The following SLC49A4 variants were observed in gnomAD, a reference collection of about 807,000 sequenced individuals.
The protein encoded by SLC49A4 is solute carrier family 49 member 4.
Under a neutral mutation model 50.6 loss-of-function variants are expected in SLC49A4, and 36 were observed. The observed-to-expected ratio is 0.71, with a 90% CI of 0.55 to 0.94. SLC49A4 has a LOEUF of 0.94. SLC49A4 is among the 40% of genes least tolerant of loss of function. SLC49A4 has a pLI of 0.00. For missense variants in SLC49A4, 503 were observed against 605.7 expected, an observed-to-expected ratio of 0.83 and a Z score of 1.78; for synonymous variants, 248 against 241.2, an observed-to-expected ratio of 1.03 and a Z score of -0.26.
At chr3:122,826,143 G>T (rs529985424) in intron 2 of SLC49A4, among the ~76,000 whole-genome samples, 74 of 152,258 alleles carry the variant, frequency 4.9e-4, no homozygotes, top group Admixed American at 7.8e-4. Flanking sequence ...ACAAAGTTAG[G>T]TATTGTTCAG....
chr3:122,842,270 A>G (rs1936781195), intron 4 of SLC49A4, among the ~76,000 whole-genome samples: 1 of 151,942 alleles, frequency 6.6e-6, no homozygotes, highest in Non-Finnish European at 1.5e-5. Flanking sequence ...GCGGATCACG[A>G]GGTCAGGAGA....
chr3:122,862,697 A>G (rs1222908265), intron 7 of SLC49A4, among the ~76,000 whole-genome samples: 1 of 152,222 alleles, frequency 6.6e-6, no homozygotes, highest in Non-Finnish European at 1.5e-5. Context: ...CATAGTCATG[A>G]GTACATAAAG....
chr3:122,805,985 A>T (rs72968331), intron 1 of SLC49A4, among the ~76,000 whole-genome samples: 6,405 of 152,332 alleles, frequency 0.042, 443 homozygotes, highest in African/African-American at 0.14. Context: ...AAAAAAATAA[A>T]GACTGTGATT....
intron 4 of SLC49A4, among the ~76,000 whole-genome samples, chr3:122,836,149 T>TA (rs552678468): frequency 7.9e-5 from 12 of 152,352 alleles, no homozygotes; most frequent in African/African-American, 2.9e-4. Context: ...AGATAGCTCT[T>TA]ACTATTTTGA....
chr3:122,865,110 C>T (rs1017033566), intron 7 of SLC49A4, among the ~76,000 whole-genome samples: 3 of 152,198 alleles, frequency 2.0e-5, no homozygotes, highest in Non-Finnish European at 4.4e-5. Context: ...CTACTGTTTT[C>T]AATTTTATGG....
chr3:122,856,591 C>G (rs1326900876), intron 6 of SLC49A4, among the ~76,000 whole-genome samples: 1 of 152,154 alleles, frequency 6.6e-6, no homozygotes, highest in Non-Finnish European at 1.5e-5. Context: ...AATCCTGGCA[C>G]TTTGGGAGGC....
At position 122,851,969 on chromosome 3, in the gene SLC49A4, A is replaced by C. The variant is rs529491674; in HGVS notation, c.943-4338A>C. On this transcript the variant is annotated intron_variant, in intron 5 of 8. Transcript: ENST00000261038. ...TAAATTCATCTGTGAGTTACTTTAC[A>C]TTTTATAAAATTTATCTTTGATTCT... 2.8e-4 allele frequency among the ~76,000 whole-genome samples: 41 copies of C among 144,034 alleles called. 1 individual carries two copies. Among genetic ancestry groups the C allele is most frequent in the Admixed American group, 1.7e-3 (25 of 14,504 alleles). 94.5% of individuals were successfully genotyped at this position (144,034 alleles called of 152,430 possible).
intron 1 of SLC49A4, among the ~76,000 whole-genome samples, chr3:122,802,550 C>T (rs1936147757): frequency 1.3e-5 from 2 of 152,242 alleles, no homozygotes; most frequent in South Asian, 4.1e-4. Context: ...AACAGTTCCC[C>T]AGGATCACAC....
intron 4 of SLC49A4, among the ~76,000 whole-genome samples, chr3:122,842,859 C>T (rs903335422): frequency 2.6e-5 from 4 of 152,194 alleles, no homozygotes; most frequent in Non-Finnish European, 5.9e-5. Context: ...CCAGCTTCTA[C>T]CTTTGGGCTC....
intron 4 of SLC49A4, 87 bp from the exon 5 acceptor site, chr3:122,845,676 G>A: frequency 2.9e-6 from 1 of 348,396 alleles, no homozygotes; most frequent in Non-Finnish European, 4.5e-6. Flanking sequence ...TGGTGTTCCA[G>A]TTTCCAAATG....
intron 1 of SLC49A4, among the ~76,000 whole-genome samples, chr3:122,802,738 G>A (rs1425803312): frequency 2.6e-5 from 4 of 152,048 alleles, no homozygotes; most frequent in African/African-American, 7.2e-5. Flanking sequence ...TGTGTAAGAC[G>A]AAAAATATAA....
In SLC49A4 at chr3:122,833,341, T is replaced by G. The variant is rs765721678; in HGVS notation, c.728T>G (p.Phe243Cys). The change falls in exon 4 of 9, where the codon TTT becomes TGT. Residue 243 changes from phenylalanine to cysteine, a missense_variant. Coordinates refer to ENST00000261038, the MANE Select transcript of SLC49A4 (RefSeq NM_032839.3). Reference sequence around the variant, plus strand: ...GAATTTGGAGTTGTCTGCTTAATATTTTCTGCAACACTAGCTTATTTCCCA... The same window carrying G: ...GAATTTGGAGTTGTCTGCTTAATATGTTCTGCAACACTAGCTTATTTCCCA... ...YAEFGVVCLI[F>C]SATLAYFPPR... is the part of the protein sequence containing the mutation. 6.2e-7 allele frequency: 1 copy of G among 1,613,566 alleles called. No individual in the cohort carries two copies. Among genetic ancestry groups the G allele is most frequent in the Non-Finnish European group, 8.5e-7 (1 of 1,179,628 alleles).
chr3:122,804,991 A>T (rs1352869690), intron 1 of SLC49A4, among the ~76,000 whole-genome samples: 1 of 152,160 alleles, frequency 6.6e-6, no homozygotes, highest in Non-Finnish European at 1.5e-5. Context: ...CTTAATTAAA[A>T]ACAAACTCTT....
intron 6 of SLC49A4, 67 bp downstream of exon 6, chr3:122,856,441 T>TC: frequency 7.2e-7 from 1 of 1,386,418 alleles, no homozygotes; most frequent in East Asian, 2.3e-5. Flanking sequence ...ATAAATAGGC[T>TC]CCCCTAAATA....
chr3:122,860,263 C>G, intron 7 of SLC49A4, 61 bp downstream of exon 7: 3 of 1,418,318 alleles, frequency 2.1e-6, no homozygotes, highest in Non-Finnish European at 2.8e-6. Flanking sequence ...GTGTACATAA[C>G]TCTGACAGTA....
Position 122,845,853 on chromosome 3 carries a change from A to G in SLC49A4, c.924A>G (p.Thr308=). The G allele has an allele frequency of 6.2e-7, 1 of 1,610,742 alleles. No individual in the cohort carries two copies. Among genetic ancestry groups the G allele is most frequent in the Non-Finnish European group, 8.5e-7 (1 of 1,177,884 alleles). Residue 308 remains threonine (T), a synonymous_variant, in exon 5 of 9, where the codon ACA becomes ACG. Transcript: ENST00000261038. ...GWSGVLDLIL[T]PAHVSQVDAG... is the part of the protein sequence containing the mutation. ...CTGGAGTTCTGGACTTAATTTTAAC[A>G]CCAGCGCATGTCAGCCAAGTAAGTA...
intron 2 of SLC49A4, among the ~76,000 whole-genome samples, chr3:122,824,730 CTTT>C (rs71621693): frequency 8.4e-5 from 7 of 82,912 alleles, no homozygotes; most frequent in Non-Finnish European, 1.7e-4. Flanking sequence ...TTTTTTCCTT[CTTT>C]TTTTTTTTTT....
In SLC49A4 at chr3:122,860,108, A is replaced by G; in HGVS notation, c.1044A>G (p.Leu348=). The change falls in exon 7 of 9, where the codon CTA becomes CTG. Residue 348 remains leucine (L), a synonymous_variant. Transcript: ENST00000261038. ...FADFIRGMLK[L]ILLLLFSGAT... is the part of the protein sequence containing the mutation. ...ATTTTATCAGGGGTATGCTGAAACT[A>G]ATTCTTCTCCTCCTGTTTTCGGGAG... The G allele has an allele frequency of 6.2e-7, 1 of 1,612,368 alleles. No individual in the cohort carries two copies. Among genetic ancestry groups the G allele is most frequent in the Non-Finnish European group, 8.5e-7 (1 of 1,179,242 alleles).
intron 7 of SLC49A4, among the ~76,000 whole-genome samples, chr3:122,866,660 A>G (rs1276544495): frequency 1.3e-5 from 2 of 152,152 alleles, no homozygotes; most frequent in East Asian, 1.9e-4. Flanking sequence ...CCCTCAAAAC[A>G]TTTGAAGACA....
Sources: gnomAD v4.1 joint callset for allele counts (sites outside exome capture counted in the v4.1 genomes callset) on GRCh38, gnomAD v4.1.1 for gene constraint, MANE v1.5 for transcripts, NCBI Gene and HGNC (gene_info 2026-07-23, HGNC 2026-07-21) for gene names.